EPHB2: variants seen among roughly 807,000 people sequenced by gnomAD.
EPHB2 encodes ephrin type-B receptor 2.
In EPHB2, 18 loss-of-function variants were observed where a neutral mutation model predicts 96.4. That is an observed-to-expected ratio of 0.19 (90% CI 0.13 to 0.28). The LOEUF (loss-of-function observed/expected upper bound fraction) is 0.28. Among genes scored for constraint, EPHB2 ranks in the 10% least tolerant of loss-of-function variants. The probability of loss-of-function intolerance (pLI) is 1.00; values close to 1 mark genes in which losing one functional copy is unlikely to be tolerated. For missense variants in EPHB2, 989 were observed against 1,355.4 expected (o/e 0.73, Z 4.25); for synonymous variants, 506 against 534.1 (o/e 0.95, Z 0.72).
rs540902269 is a variant in EPHB2, at chr1:22,727,449, CT to C, written c.61+16407del. 1.1e-3 allele frequency among the ~76,000 whole-genome samples: 174 copies of C among 152,366 alleles called. 1 individual carries two copies. Among genetic ancestry groups the C allele is most frequent in the African/African-American group, 3.9e-3 (163 of 41,596 alleles). The stretch of plus-strand genomic sequence containing the variant: ...ATCCTGTCCCACCCTGCCCACTTCA[CT>C]CCTTGAGCCAGGGAATGGTTGCCAG... On this transcript the variant is annotated intron_variant, in intron 1 of 15. Transcript: ENST00000374630.
Position 22,748,173 on chromosome 1 carries a change from G to A in EPHB2, c.62-33248G>A, listed in dbSNP as rs533841453. On this transcript the variant is annotated intron_variant, in intron 1 of 15. Coordinates refer to ENST00000374630, the MANE Select transcript of EPHB2 (RefSeq NM_017449.5). ...CTGGGTTACTGTGAACATTCAATGT[G>A]TTTCCACACGTGAAGCTCTTAATGC... 3.3e-5 allele frequency among the ~76,000 whole-genome samples: 5 copies of A among 152,306 alleles called. No individual in the cohort carries two copies. In the South Asian group the frequency reaches 1.0e-3, roughly 32 times the overall value.
chr1:22,825,872 G>A (rs1276051799), intron 3 of EPHB2, among the ~76,000 whole-genome samples: 1 of 152,222 alleles, frequency 6.6e-6, no homozygotes, highest in Admixed American at 6.5e-5. Context: ...AGACAAATGA[G>A]GATCGTCTGG....
chr1:22,726,566 G>A (rs528759602), intron 1 of EPHB2, among the ~76,000 whole-genome samples: 8 of 152,020 alleles, frequency 5.3e-5, no homozygotes, highest in Non-Finnish European at 8.8e-5. Context: ...GATTTCAGGC[G>A]TGCACCACCA....
At chr1:22,803,088 G>A (rs1237737869) in intron 3 of EPHB2, among the ~76,000 whole-genome samples, 3 of 152,194 alleles carry the variant, frequency 2.0e-5, no homozygotes, top group Admixed American at 6.5e-5. Context: ...TGGAGGACAA[G>A]CAAGAAATAG....
intron 1 of EPHB2, among the ~76,000 whole-genome samples, chr1:22,743,819 C>T (rs184264791): frequency 6.6e-6 from 1 of 152,312 alleles, no homozygotes; most frequent in Non-Finnish European, 1.5e-5. Context: ...GAGTACAGTG[C>T]CTGGCACATA....
chr1:22,863,477 G>A (rs1484615547), intron 4 of EPHB2, among the ~76,000 whole-genome samples: 1 of 152,232 alleles, frequency 6.6e-6, no homozygotes, highest in African/African-American at 2.4e-5. Flanking sequence ...AGGCTTGGCA[G>A]GAGATGAAGC....
intron 3 of EPHB2, among the ~76,000 whole-genome samples, chr1:22,854,353 A>G (rs1267601310): frequency 6.6e-6 from 1 of 152,100 alleles, no homozygotes; most frequent in Non-Finnish European, 1.5e-5. Context: ...TCTACAAAAT[A>G]TACCAAAAAT....
chr1:22,813,304 G>A (rs935007235), intron 3 of EPHB2, among the ~76,000 whole-genome samples: 4 of 152,194 alleles, frequency 2.6e-5, no homozygotes, highest in African/African-American at 9.7e-5. Flanking sequence ...GGGCACTGCC[G>A]GCAGGGCTAG....
intron 3 of EPHB2, among the ~76,000 whole-genome samples, chr1:22,838,667 G>A (rs898818144): frequency 1.3e-5 from 2 of 152,194 alleles, no homozygotes; most frequent in Admixed American, 6.5e-5. Flanking sequence ...CGTGGCTCAC[G>A]CCTGTAATCC....
intron 7 of EPHB2, among the ~76,000 whole-genome samples, chr1:22,895,109 T>C (rs189289693): frequency 1.3e-5 from 2 of 152,296 alleles, no homozygotes; most frequent in Admixed American, 1.3e-4. Context: ...ATCACACAGA[T>C]AGTAAGTGGC....
intron 3 of EPHB2, among the ~76,000 whole-genome samples, chr1:22,845,432 G>A (rs188724246): frequency 3.3e-5 from 5 of 152,310 alleles, no homozygotes; most frequent in Admixed American, 3.3e-4. Flanking sequence ...AAATAAGCTA[G>A]GAAGTTGTGG....
chr1:22,771,102 G>T (rs1294703947), intron 1 of EPHB2, among the ~76,000 whole-genome samples: 1 of 152,178 alleles, frequency 6.6e-6, no homozygotes, highest in East Asian at 1.9e-4. Flanking sequence ...AGCATTTAAG[G>T]TCTGGGTGGG....
intron 3 of EPHB2, among the ~76,000 whole-genome samples, chr1:22,805,603 G>A (rs1644913879): frequency 1.3e-5 from 2 of 152,198 alleles, no homozygotes; most frequent in Non-Finnish European, 2.9e-5. Flanking sequence ...GAGACTGTGA[G>A]CAGCCACCTC....
intron 1 of EPHB2, among the ~76,000 whole-genome samples, chr1:22,730,368 T>C (rs183815098): frequency 6.6e-6 from 1 of 152,214 alleles, no homozygotes; most frequent in East Asian, 1.9e-4. Context: ...TCCCTGGCCT[T>C]TGGGGGTCTT....
intron 7 of EPHB2, among the ~76,000 whole-genome samples, chr1:22,895,239 C>A (rs1639518542): frequency 6.6e-6 from 1 of 152,142 alleles, no homozygotes; most frequent in Non-Finnish European, 1.5e-5. Context: ...AGGAATTATG[C>A]CCATTTTATG....
chr1:22,828,835 T>TA (rs1260383984), intron 3 of EPHB2, among the ~76,000 whole-genome samples: 1 of 152,166 alleles, frequency 6.6e-6, no homozygotes, highest in Non-Finnish European at 1.5e-5. Flanking sequence ...ATAAAAGGGT[T>TA]AAAATCATAG....
At position 22,757,908 on chromosome 1, in the gene EPHB2, C is replaced by CTTT. The variant is rs1224799943; in HGVS notation, c.62-23487_62-23485dup. Among the ~76,000 whole-genome samples the CTTT allele has an allele frequency of 2.1e-3, 114 of 54,154 alleles. 1 individual carries two copies. Among genetic ancestry groups the CTTT allele is most frequent in the African/African-American group, 7.6e-3 (104 of 13,706 alleles). The allele number at this position is 54,154 out of a possible 152,430, so 35.5% of individuals were successfully genotyped here. A position where few individuals can be genotyped will look rare whatever the true frequency, so the allele number is the denominator to read the frequency against. On this transcript the variant is annotated intron_variant, in intron 1 of 15. Transcript: ENST00000374630. ...CCATGCTCACTATGTGTAAGCTATG[C>CTTT]TTTTTTTTTTTTTTTTTTTTTTTTT... is the stretch of plus-strand genomic sequence containing the variant.
chr1:22,850,527 ATGT>A (rs1645611033), intron 3 of EPHB2, among the ~76,000 whole-genome samples: 2 of 152,208 alleles, frequency 1.3e-5, no homozygotes, highest in Non-Finnish European at 2.9e-5. Flanking sequence ...GCCCTGCCAG[ATGT>A]GTCAAGCTTT....
intron 1 of EPHB2, among the ~76,000 whole-genome samples, chr1:22,732,748 G>T (rs866310764): frequency 2.0e-5 from 3 of 152,164 alleles, no homozygotes; most frequent in African/African-American, 2.4e-5. Context: ...CTTACAAGGC[G>T]CGCTCACATT....
Sources: gnomAD v4.1 joint callset for allele counts (sites outside exome capture counted in the v4.1 genomes callset) on GRCh38, gnomAD v4.1.1 for gene constraint, MANE v1.5 for transcripts, NCBI Gene and HGNC (gene_info 2026-07-23, HGNC 2026-07-21) for gene names.